MAF: variants seen among roughly 807,000 people sequenced by gnomAD.
MAF encodes MAF bZIP transcription factor, also known as transcription factor Maf.
MAF carries 10 observed loss-of-function variants against 22.0 expected under a neutral mutation model. The ratio of observed to expected loss-of-function variants is 0.45; its 90% CI spans 0.28 to 0.77. The LOEUF (loss-of-function observed/expected upper bound fraction) is 0.77, where lower values mean the gene tolerates loss of function less well. Ranked by LOEUF, MAF falls within the 30% of genes least tolerant of loss-of-function variation. The pLI is 0.12. For missense variants in MAF, 544 were observed against 548.4 expected, an observed-to-expected ratio of 0.99 and a Z score of 0.08; for synonymous variants, 337 against 255.8, an observed-to-expected ratio of 1.32 and a Z score of -3.03.
chr16:79,364,096 G>C, the MAF span, among the ~76,000 whole-genome samples: 1 of 152,162 alleles, frequency 6.6e-6, no homozygotes, highest in Non-Finnish European at 1.5e-5. Flanking sequence ...AGACAGATAA[G>C]GATAGGAAAT....
intron 1 of MAF, chr16:79,596,177 G>A: frequency 2.8e-6 from 3 of 1,062,750 alleles, no homozygotes; most frequent in Non-Finnish European, 3.4e-6. Context: ...CCATGCTCAG[G>A]AAGCCTAGTT....
At chr16:79,223,968 GC>G in the MAF span, among the ~76,000 whole-genome samples, 4 of 152,134 alleles carry the variant, frequency 2.6e-5, no homozygotes, top group East Asian at 5.8e-4. Flanking sequence ...TGAAACTATT[GC>G]AAACAATAGG....
the MAF span, among the ~76,000 whole-genome samples, chr16:79,213,759 A>C: frequency 7.4e-4 from 112 of 151,854 alleles, no homozygotes; most frequent in Admixed American, 1.5e-3. Flanking sequence ...TTCAGAGGAG[A>C]AGAAACTGCA....
the MAF span, among the ~76,000 whole-genome samples, chr16:79,322,969 T>C: frequency 6.6e-6 from 1 of 151,102 alleles, no homozygotes; most frequent in South Asian, 2.1e-4. Context: ...GTTAACACGA[T>C]GAAACCCCAT....
chr16:79,391,400 C>A, the MAF span, among the ~76,000 whole-genome samples: 6 of 152,198 alleles, frequency 3.9e-5, no homozygotes, highest in East Asian at 1.2e-3. Context: ...CCAAGCAGAG[C>A]CACAGATAGG....
At chr16:79,214,283 C>T in the MAF span, among the ~76,000 whole-genome samples, 1 of 152,162 alleles carries the variant, frequency 6.6e-6, no homozygotes, top group African/African-American at 2.4e-5. Context: ...GCCACAGTAC[C>T]TTGAACTGCT....
At chr16:79,554,433 A>G in the MAF span, among the ~76,000 whole-genome samples, 1 of 152,232 alleles carries the variant, frequency 6.6e-6, no homozygotes, top group Non-Finnish European at 1.5e-5. Flanking sequence ...ACAGAGGAAA[A>G]GACTCAAGAG....
downstream of MAF, chr16:79,593,733 G>C (rs1913321677): frequency 1.8e-5 from 3 of 169,864 alleles, no homozygotes; most frequent in African/African-American, 7.2e-5. Flanking sequence ...CATGGTTTTT[G>C]AAAAGGGAAA....
the MAF span, among the ~76,000 whole-genome samples, chr16:79,469,507 G>A: frequency 6.6e-6 from 1 of 152,176 alleles, no homozygotes; most frequent in Non-Finnish European, 1.5e-5. Context: ...TGAACAGTAT[G>A]AAGATGAAAC....
In MAF at chr16:79,600,064, A is replaced by C; in HGVS notation, c.-162T>G. Reference sequence around the variant, plus strand: ...TGGCCCGAAACCTCCGAGCGCGCTCACACACACACCCCCCCGCCCTGCCCG... The same window carrying C: ...TGGCCCGAAACCTCCGAGCGCGCTCCCACACACACCCCCCCGCCCTGCCCG... On this transcript the variant is annotated 5_prime_UTR_variant, in exon 1 of 2. Coordinates refer to ENST00000326043, the MANE Select transcript of MAF (RefSeq NM_005360.5). 2 of 891,194 alleles carry C rather than the reference A, an allele frequency of 2.2e-6. No individual in the cohort carries two copies. Among genetic ancestry groups the C allele is most frequent in the Non-Finnish European group, 3.3e-6 (2 of 598,100 alleles). The allele number at this position is 891,194 out of a possible 1,614,324, so 55.2% of individuals were successfully genotyped here. A position where few individuals can be genotyped will look rare whatever the true frequency, so the allele number is the denominator to read the frequency against.
At chr16:79,300,530 G>A in the MAF span, among the ~76,000 whole-genome samples, 1 of 151,392 alleles carries the variant, frequency 6.6e-6, no homozygotes, top group African/African-American at 2.4e-5. Context: ...ACTCCAGCCT[G>A]GTGACAGAGC....
At position 79,600,546 on chromosome 16, in the gene MAF, G is replaced by A. The variant is rs1256188323; in HGVS notation, c.-644C>T. The A allele has an allele frequency of 1.0e-5, 2 of 194,764 alleles. No homozygotes were observed. Among genetic ancestry groups the A allele is most frequent in the African/African-American group, 4.7e-5 (2 of 42,118 alleles). The allele number at this position is 194,764 out of a possible 1,614,324, so 12.1% of individuals were successfully genotyped here. A position where few individuals can be genotyped will look rare whatever the true frequency, so the allele number is the denominator to read the frequency against. On this transcript the variant is annotated 5_prime_UTR_variant, in exon 1 of 2. Coordinates refer to ENST00000326043, the MANE Select transcript of MAF (RefSeq NM_005360.5). ...ACCTCTGTGCAAAGTGCAAGGCAGA[G>A]GTGCAGCCCGACTGGAGGAGAGGGA...
chr16:79,207,575 A>C, the MAF span, among the ~76,000 whole-genome samples: 1 of 152,196 alleles, frequency 6.6e-6, no homozygotes, highest in African/African-American at 2.4e-5. Flanking sequence ...CTCTCTCACA[A>C]TCATTGAATA....
At chr16:79,277,552 C>G in the MAF span, among the ~76,000 whole-genome samples, 1 of 152,158 alleles carries the variant, frequency 6.6e-6, no homozygotes, top group Non-Finnish European at 1.5e-5. Context: ...TCATTTAACT[C>G]TCTGAGATTA....
chr16:79,561,922 C>T, the MAF span, among the ~76,000 whole-genome samples: 1 of 152,138 alleles, frequency 6.6e-6, no homozygotes, highest in Non-Finnish European at 1.5e-5. Context: ...GGGCACTCAG[C>T]TGGGTACAAG....
At chr16:79,495,082 T>A in the MAF span, among the ~76,000 whole-genome samples, 1 of 152,116 alleles carries the variant, frequency 6.6e-6, no homozygotes, top group Non-Finnish European at 1.5e-5. Context: ...ACCTAGAAGT[T>A]CTCTAAACCA....
chr16:79,209,715 A>G, the MAF span, among the ~76,000 whole-genome samples: 1 of 152,246 alleles, frequency 6.6e-6, no homozygotes, highest in Non-Finnish European at 1.5e-5. Flanking sequence ...GGCTTGAGTT[A>G]GCTGGATGAG....
chr16:79,458,743 A>C, the MAF span, among the ~76,000 whole-genome samples: 1 of 152,194 alleles, frequency 6.6e-6, no homozygotes, highest in Non-Finnish European at 1.5e-5. Context: ...TTGGCTAAAA[A>C]ATGTATCATG....
chr16:79,407,805 G>A, the MAF span, among the ~76,000 whole-genome samples: 2 of 152,086 alleles, frequency 1.3e-5, no homozygotes, highest in Non-Finnish European at 2.9e-5. Flanking sequence ...GCCCCACGAA[G>A]CCAGGTTGCT....
Sources: gnomAD v4.1 joint callset for allele counts (sites outside exome capture counted in the v4.1 genomes callset) on GRCh38, gnomAD v4.1.1 for gene constraint, MANE v1.5 for transcripts, NCBI Gene and HGNC (gene_info 2026-07-23, HGNC 2026-07-21) for gene names.